Variants in CEP85L observed in about 807,000 individuals in gnomAD.
CEP85L encodes centrosomal protein of 85 kDa-like.
Under a neutral mutation model 100.3 loss-of-function variants are expected in CEP85L, and 60 were observed. The observed-to-expected ratio is 0.60, with a 90% CI of 0.49 to 0.74. CEP85L has a LOEUF of 0.74. Ranked by LOEUF, CEP85L falls within the 30% of genes least tolerant of loss-of-function variation. CEP85L has a pLI of 0.00. For missense variants in CEP85L, 973 were observed against 936.2 expected, an observed-to-expected ratio of 1.04 and a Z score of -0.51; for synonymous variants, 319 against 322.7, an observed-to-expected ratio of 0.99 and a Z score of 0.12.
chr6:118,651,854 T>C, upstream of CEP85L: 2 of 985,622 alleles, frequency 2.0e-6, no homozygotes, highest in South Asian at 9.4e-5. Context: ...TATTTTGCGA[T>C]ACTCGCCCCT....
intron 2 of CEP85L, among the ~76,000 whole-genome samples, chr6:118,578,206 C>T (rs7759088): frequency 0.71 from 107,824 of 152,016 alleles, 38,958 homozygotes; most frequent in Middle Eastern, 0.75. Context: ...CCTCTTACTC[C>T]GTAAACATCT....
chr6:118,565,702 G>A lies in CEP85L; in HGVS notation c.847C>T (p.Gln283Ter). The A allele has an allele frequency of 6.2e-7, 1 of 1,614,188 alleles. No homozygotes were observed. ...EPPKYLMLGQ[Q>*]AVGGVPIQPS... ...TGAATGGGAACTCCACCTACTGCCT[G>A]TTGACCAAGCATTAAATATTTTGGA... The change falls in exon 3 of 13, where the codon CAG becomes TAG. Residue 283 changes from glutamine (Q) to a stop codon, truncating the protein, a stop_gained. Coordinates refer to ENST00000368491, the MANE Select transcript of CEP85L (RefSeq NM_001042475.3). LOFTEE classifies it high-confidence loss of function.
At chr6:118,477,250 A>G (rs1209254814) in intron 10 of CEP85L, among the ~76,000 whole-genome samples, 1 of 152,152 alleles carries the variant, frequency 6.6e-6, no homozygotes, top group Non-Finnish European at 1.5e-5. Flanking sequence ...AACAGTAGAT[A>G]AATCTGTATT....
intron 1 of CEP85L, among the ~76,000 whole-genome samples, chr6:118,706,009 A>G (rs186150548): frequency 1.3e-5 from 2 of 152,190 alleles, no homozygotes; most frequent in Non-Finnish European, 2.9e-5. Flanking sequence ...GCACTGTGCT[A>G]ATTGGGTAGA....
Position 118,461,149 on chromosome 6 carries a change from T to C in CEP85L, c.*4256A>G, listed in dbSNP as rs1026561844. ...AACCACCAGTCATAGTGACTGATTA[T>C]ACACTGTGCTGTGCTTTTTAATGTA... On this transcript the variant is annotated 3_prime_UTR_variant, in exon 13 of 13. Transcript: ENST00000368491. 2 of 152,120 alleles carry C rather than the reference T, an allele frequency of 1.3e-5. No homozygotes were observed. Among genetic ancestry groups the C allele is most frequent in the Non-Finnish European group, 2.9e-5 (2 of 68,010 alleles). 9.4% of individuals were successfully genotyped at this position (152,120 alleles called of 1,614,324 possible).
rs1470185628 is a variant in CEP85L at position 118,563,979 on chromosome 6, AGACC to A, written c.1020+1546_1020+1549del. 2.6e-5 allele frequency among the ~76,000 whole-genome samples: 4 copies of A among 152,314 alleles called. No homozygotes were observed. The East Asian group carries it at 5.8e-4, about 22-fold the overall frequency. On this transcript the variant is annotated intron_variant, in intron 3 of 12. Transcript: ENST00000368491. ...TCCAAAACTTAAAAGCGCTATAAAG[AGACC>A]ATCCCAAATAAAGTTAATCAAGAAG...
At chr6:118,675,175 T>C (rs1776444340) in intron 1 of CEP85L, among the ~76,000 whole-genome samples, 1 of 149,340 alleles carries the variant, frequency 6.7e-6, no homozygotes, top group Admixed American at 6.7e-5. Context: ...TGCTACAACA[T>C]GGATGAACTT....
chr6:118,627,745 G>T (rs1773896115), intron 2 of CEP85L, among the ~76,000 whole-genome samples: 1 of 152,176 alleles, frequency 6.6e-6, no homozygotes, highest in Non-Finnish European at 1.5e-5. Context: ...GAAGATAAAA[G>T]GGTCCATTTT....
chr6:118,691,135 C>A (rs1777029380), intron 1 of CEP85L, among the ~76,000 whole-genome samples: 1 of 62,574 alleles, frequency 1.6e-5, no homozygotes, highest in African/African-American at 5.6e-5. Context: ...ACAAAGGAGG[C>A]CAGGCGTGGT....
chr6:118,580,517 G>C (rs772376572), intron 2 of CEP85L, among the ~76,000 whole-genome samples: 2 of 152,206 alleles, frequency 1.3e-5, no homozygotes, highest in Non-Finnish European at 2.9e-5. Context: ...CTGTTCTAAA[G>C]ACTCAGATGT....
chr6:118,556,010 C>T (rs763469412), intron 3 of CEP85L, among the ~76,000 whole-genome samples: 3 of 152,182 alleles, frequency 2.0e-5, no homozygotes, highest in African/African-American at 4.8e-5. Context: ...CATAGTATTG[C>T]ATGGTGTATA....
intron 2 of CEP85L, among the ~76,000 whole-genome samples, chr6:118,582,335 C>G (rs922095512): frequency 1.3e-5 from 2 of 152,112 alleles, no homozygotes; most frequent in African/African-American, 4.8e-5. Context: ...AGAAATTTTC[C>G]AAAATTTAAC....
chr6:118,648,192 T>C (rs916743176), intron 1 of CEP85L, among the ~76,000 whole-genome samples: 2 of 152,108 alleles, frequency 1.3e-5, no homozygotes, highest in African/African-American at 4.8e-5. Flanking sequence ...AGGCGGAAGT[T>C]GCAGTGATCC....
At chr6:118,675,531 A>G (rs917040361) in intron 1 of CEP85L, among the ~76,000 whole-genome samples, 2 of 152,054 alleles carry the variant, frequency 1.3e-5, no homozygotes, top group African/African-American at 4.8e-5. Context: ...TAAAAATTAC[A>G]TTTTAAAATA....
rs138884340 is a variant in CEP85L, at chr6:118,524,060, T to C, written c.1021-140A>G. On this transcript the variant is annotated intron_variant, in intron 3 of 12. Coordinates refer to ENST00000368491, the MANE Select transcript of CEP85L (RefSeq NM_001042475.3). Reference sequence around the variant, plus strand: ...TTTAATACTTTCGGAAATCACACTATGAATACAACATAACTTGGACAATTT... The same window carrying C: ...TTTAATACTTTCGGAAATCACACTACGAATACAACATAACTTGGACAATTT... The C allele has an allele frequency of 1.4e-3, 565 of 407,474 alleles. 9 individuals are homozygous for C. The East Asian group carries it at 0.023, about 17-fold the overall frequency. 25.2% of individuals were successfully genotyped at this position (407,474 alleles called of 1,614,324 possible).
chr6:118,660,885 CT>C (rs57604070), intron 1 of CEP85L, among the ~76,000 whole-genome samples: 1 of 149,600 alleles, frequency 6.7e-6, no homozygotes, highest in East Asian at 1.9e-4. Flanking sequence ...TTCTTTTTTT[CT>C]TTTTTTTTTC....
At chr6:118,608,271 G>A (rs956843308) in intron 2 of CEP85L, among the ~76,000 whole-genome samples, 6 of 152,090 alleles carry the variant, frequency 3.9e-5, no homozygotes, top group South Asian at 2.1e-4. Flanking sequence ...CGAGGCAGGC[G>A]GATCACGAGG....
In CEP85L at chr6:118,491,818, T is replaced by C. The variant is rs755262539; in HGVS notation, c.1305A>G (p.Ser435=). ...ATTCCCCTTGTTGGGAATGGGAAACTGATTCCTCTGAAAATGGTGTCTGGA... is the reference window on the plus strand; with the variant it reads ...ATTCCCCTTGTTGGGAATGGGAAACCGATTCCTCTGAAAATGGTGTCTGGA... ...TSLQTPFSEE[S]VSHSQQGEFE... is the part of the protein sequence containing the mutation. Residue 435 remains serine, a synonymous_variant, in exon 6 of 13, where the codon TCA becomes TCG. Coordinates refer to ENST00000368491, the MANE Select transcript of CEP85L (RefSeq NM_001042475.3). 1.9e-6 allele frequency: 3 copies of C among 1,612,790 alleles called. No individual in the cohort carries two copies. The highest frequency in any genetic ancestry group is 2.2e-5 in the East Asian group (1 of 44,822).
At chr6:118,679,516 G>T (rs1583252802) in intron 1 of CEP85L, among the ~76,000 whole-genome samples, 2 of 152,196 alleles carry the variant, frequency 1.3e-5, no homozygotes, top group African/African-American at 4.8e-5. Flanking sequence ...GCAAATTGAA[G>T]AGCAGAATGA....
Sources: gnomAD v4.1 joint callset for allele counts (sites outside exome capture counted in the v4.1 genomes callset) on GRCh38, gnomAD v4.1.1 for gene constraint, MANE v1.5 for transcripts, NCBI Gene and HGNC (gene_info 2026-07-23, HGNC 2026-07-21) for gene names.